Variants in CNTN4 observed in about 807,000 individuals in gnomAD.
CNTN4 encodes the protein contactin 4, also known as contactin-4.
A neutral mutation model predicts 122.5 loss-of-function variants in CNTN4; 77 were observed. That is an observed-to-expected ratio of 0.63 (90% CI 0.52 to 0.76). CNTN4 has a LOEUF of 0.76. Among genes scored for constraint, CNTN4 ranks in the 30% least tolerant of loss-of-function variants. The pLI is 0.00. For synonymous variants in CNTN4, 512 were observed against 447.0 expected, an observed-to-expected ratio of 1.15 and a Z score of -1.83; for missense variants, 1,256 against 1,259.1, an observed-to-expected ratio of 1.00 and a Z score of 0.04.
intron 2 of CNTN4, among the ~76,000 whole-genome samples, chr3:2,111,787 T>C (rs1253894944): frequency 6.6e-6 from 1 of 152,152 alleles, no homozygotes; most frequent in Admixed American, 6.5e-5. Flanking sequence ...ACACATAGCC[T>C]TGTGCCAGGA....
chr3:2,993,736 G>C (rs1021971057), intron 14 of CNTN4, among the ~76,000 whole-genome samples: 2 of 152,144 alleles, frequency 1.3e-5, no homozygotes, highest in Admixed American at 6.5e-5. Context: ...CTCTTCCTCA[G>C]ATCTTCAAAA....
At chr3:2,819,717 A>T in intron 7 of CNTN4, 136 bp downstream of exon 7, 1 of 739,948 alleles carries the variant, frequency 1.4e-6, no homozygotes, top group South Asian at 1.5e-5. Context: ...TGGAGGAAAA[A>T]CCACGGTGAA....
intron 4 of CNTN4, among the ~76,000 whole-genome samples, chr3:2,606,189 ACTG>A (rs2081251188): frequency 6.6e-6 from 1 of 152,188 alleles, no homozygotes; most frequent in Admixed American, 6.5e-5. Flanking sequence ...ACCAGATCAC[ACTG>A]GGCTTGGCAG....
intron 4 of CNTN4, among the ~76,000 whole-genome samples, chr3:2,608,743 C>T (rs1366920568): frequency 1.3e-5 from 2 of 152,338 alleles, no homozygotes; most frequent in African/African-American, 4.8e-5. Context: ...GGCCTGGCCT[C>T]CCAGAGTCCT....
chr3:2,399,383 G>C (rs2150952608), intron 3 of CNTN4, among the ~76,000 whole-genome samples: 2 of 152,056 alleles, frequency 1.3e-5, no homozygotes, highest in East Asian at 3.9e-4. Context: ...CTTATGATGT[G>C]GATGAAGGTG....
intron 6 of CNTN4, among the ~76,000 whole-genome samples, chr3:2,770,031 GTTTGT>G (rs780295539): frequency 6.8e-4 from 94 of 138,856 alleles, no homozygotes; most frequent in African/African-American, 1.8e-3. Context: ...TTGTTTGTTT[GTTTGT>G]TTTTTTTTTT....
intron 2 of CNTN4, among the ~76,000 whole-genome samples, chr3:2,289,147 T>C (rs1005637637): frequency 9.2e-5 from 14 of 152,222 alleles, no homozygotes; most frequent in Non-Finnish European, 1.8e-4. Context: ...ATGCCTATCA[T>C]ACATTCGCTT....
intron 4 of CNTN4, among the ~76,000 whole-genome samples, chr3:2,650,838 A>C (rs1217278859): frequency 6.6e-6 from 1 of 152,248 alleles, no homozygotes; most frequent in African/African-American, 2.4e-5. Context: ...TCTTGTATGC[A>C]ATGGAAAACC....
At chr3:2,994,382 G>C (rs140664594) in intron 14 of CNTN4, among the ~76,000 whole-genome samples, 1,952 of 152,046 alleles carry the variant, frequency 0.013, 14 homozygotes, top group Non-Finnish European at 0.02. Flanking sequence ...ACTTTAAGTA[G>C]CTTTAATAGA....
intron 4 of CNTN4, among the ~76,000 whole-genome samples, chr3:2,727,396 A>T (rs2088306168): frequency 6.6e-6 from 1 of 152,228 alleles, no homozygotes; most frequent in African/African-American, 2.4e-5. Context: ...CAAATGAGTT[A>T]CAAAGTATTT....
chr3:2,448,517 G>A (rs141403080), intron 3 of CNTN4, among the ~76,000 whole-genome samples: 1 of 152,192 alleles, frequency 6.6e-6, no homozygotes, highest in Admixed American at 6.5e-5. Context: ...TTCTCCCCAG[G>A]ATCTAAATTG....
intron 3 of CNTN4, among the ~76,000 whole-genome samples, chr3:2,394,949 G>C (rs572681001): frequency 1.3e-5 from 2 of 151,934 alleles, no homozygotes; most frequent in Non-Finnish European, 2.9e-5. Context: ...ACCACACCCA[G>C]CTAACTTTTG....
intron 7 of CNTN4, among the ~76,000 whole-genome samples, chr3:2,843,553 A>C (rs1051061361): frequency 3.3e-5 from 5 of 152,118 alleles, no homozygotes; most frequent in African/African-American, 1.2e-4. Flanking sequence ...GCCTGGTGGG[A>C]GGTGATTGGA....
chr3:2,368,876 T>A (rs1166974923), intron 3 of CNTN4, among the ~76,000 whole-genome samples: 1 of 152,138 alleles, frequency 6.6e-6, no homozygotes, highest in Non-Finnish European at 1.5e-5. Flanking sequence ...AAACTTTCAT[T>A]GTGTGTTGAG....
intron 2 of CNTN4, among the ~76,000 whole-genome samples, chr3:2,124,470 A>ACACACACACC (rs1157832774): frequency 1.4e-5 from 2 of 144,476 alleles, no homozygotes; most frequent in Admixed American, 7.0e-5. Flanking sequence ...ACACACACAC[A>ACACACACACC]CACCCCCTTA....
At chr3:3,043,271 GTGGATT>G in intron 22 of CNTN4, 108 bp downstream of exon 22, 9 of 1,071,718 alleles carry the variant, frequency 8.4e-6, no homozygotes, top group Non-Finnish European at 1.3e-5. Flanking sequence ...TTAGTAGCAT[GTGGATT>G]CAAATTTCCC....
chr3:2,262,771 C>T (rs2040887344), intron 2 of CNTN4, among the ~76,000 whole-genome samples: 1 of 151,956 alleles, frequency 6.6e-6, no homozygotes, highest in Admixed American at 6.6e-5. Flanking sequence ...ACAGAAAATT[C>T]ATAAGATCAG....
At chr3:2,346,657 T>C (rs73117386) in intron 3 of CNTN4, among the ~76,000 whole-genome samples, 276 of 152,332 alleles carry the variant, frequency 1.8e-3, no homozygotes, top group African/African-American at 5.5e-3. Context: ...ATTGTTGTAT[T>C]GTTTTCTATC....
At chr3:2,598,242 T>A (rs941364048) in intron 4 of CNTN4, among the ~76,000 whole-genome samples, 1 of 152,200 alleles carries the variant, frequency 6.6e-6, no homozygotes, top group Non-Finnish European at 1.5e-5. Context: ...GTCCTATCAC[T>A]GAGCCCAGTT....
Sources: allele counts gnomAD v4.1 joint callset (sites outside exome capture counted in the v4.1 genomes callset), GRCh38; gene constraint gnomAD v4.1.1; transcripts MANE v1.5; gene names NCBI Gene and HGNC (gene_info 2026-07-23, HGNC 2026-07-21).